Variants in MS4A13 observed in about 807,000 individuals in gnomAD.
MS4A13 encodes the protein membrane-spanning 4-domains subfamily A member 13.
MS4A13 carries 21 observed loss-of-function variants against 18.4 expected under a neutral mutation model. The observed-to-expected ratio is 1.14, with a 90% CI of 0.81 to 1.64. The LOEUF (loss-of-function observed/expected upper bound fraction) is 1.64, where lower values mean the gene tolerates loss of function less well. Among genes scored for constraint, MS4A13 ranks in the 40% most tolerant of loss-of-function variants. The probability of loss-of-function intolerance (pLI) is 0.00; values close to 1 mark genes in which losing one functional copy is unlikely to be tolerated. For synonymous variants in MS4A13, 62 were observed against 57.2 expected (o/e 1.08, Z -0.38); for missense variants, 173 against 176.8 (o/e 0.98, Z 0.12).
At chr11:60,538,066 T>C (rs1006751912) in intron 6 of MS4A13, among the ~76,000 whole-genome samples, 1 of 147,594 alleles carries the variant, frequency 6.8e-6, no homozygotes, top group African/African-American at 2.5e-5. Context: ...TTGGGAGATA[T>C]ACCTAATGCT....
At chr11:60,526,353 G>A (rs150752931) in intron 5 of MS4A13, among the ~76,000 whole-genome samples, 104 of 152,302 alleles carry the variant, frequency 6.8e-4, no homozygotes, top group African/African-American at 2.2e-3. Flanking sequence ...TAGGAAAGGA[G>A]GACTTAAGTT....
intron 6 of MS4A13, among the ~76,000 whole-genome samples, chr11:60,529,861 C>T (rs1159976884): frequency 3.3e-5 from 5 of 152,066 alleles, no homozygotes; most frequent in African/African-American, 4.8e-5. Flanking sequence ...CTAAATAATG[C>T]CTTTTATTGC....
At position 60,527,398 on chromosome 11, in the gene MS4A13, C is replaced by CTGTGTGTGTG. The variant is rs1565212696; in HGVS notation, c.307-1966_307-1965insGTGTGTGTGT. ...TCTCTCTCTCTCTCTCTCTCTCTCT[C>CTGTGTGTGTG]TCTCTCTCTCTCTGTGTGTGTGTGT... On this transcript the variant is annotated intron_variant, in intron 5 of 6. Transcript: ENST00000378186. Among the ~76,000 whole-genome samples the CTGTGTGTGTG allele has an allele frequency of 4.4e-4, 41 of 93,298 alleles. No individual in the cohort carries two copies. The East Asian group carries it at 5.5e-3, about 13-fold the overall frequency. 61.2% of individuals were successfully genotyped at this position (93,298 alleles called of 152,430 possible). A position where few individuals can be genotyped will look rare whatever the true frequency, so the allele number is the denominator to read the frequency against.
intron 5 of MS4A13, among the ~76,000 whole-genome samples, chr11:60,526,487 GTCTGTATTTATCTGA>G (rs1053194234): frequency 2.0e-5 from 3 of 152,184 alleles, no homozygotes; most frequent in Non-Finnish European, 4.4e-5. Flanking sequence ...AACTATTGTA[GTCTGTATTTATCTGA>G]TCTGAACTCA....
rs746268546 is a variant in MS4A13 at position 60,542,601 on chromosome 11, C to T, written c.*26C>T. On this transcript the variant is annotated 3_prime_UTR_variant, in exon 7 of 7. Transcript: ENST00000378186. ...AAACCCTAGAAATATGAGAATTTTG[C>T]TGTTGCTGATGCCTGGTGTGGGTCC... The T allele has an allele frequency of 5.1e-5, 78 of 1,528,966 alleles. No individual in the cohort carries two copies. In the East Asian group the frequency reaches 1.7e-3, roughly 34 times the overall value. 94.7% of individuals were successfully genotyped at this position (1,528,966 alleles called of 1,614,324 possible). A position where few individuals can be genotyped will look rare whatever the true frequency, so the allele number is the denominator to read the frequency against.
intron 3 of MS4A13, among the ~76,000 whole-genome samples, chr11:60,519,595 A>T (rs1457352906): frequency 2.0e-5 from 3 of 152,196 alleles, no homozygotes; most frequent in African/African-American, 7.2e-5. Context: ...CATTAAGGAC[A>T]TACTTGAGGT....
chr11:60,530,698 T>A (rs11230365), intron 6 of MS4A13, among the ~76,000 whole-genome samples: 15 of 152,184 alleles, frequency 9.9e-5, no homozygotes, highest in Admixed American at 9.2e-4. Context: ...CCACCTGATA[T>A]GGTTAGGCTT....
chr11:60,532,418 C>G (rs949919420), intron 6 of MS4A13, among the ~76,000 whole-genome samples: 1 of 152,192 alleles, frequency 6.6e-6, no homozygotes, highest in Admixed American at 6.5e-5. Flanking sequence ...GACGGACGCA[C>G]CTGGAAAATC....
At chr11:60,539,397 A>G (rs921871803) in intron 6 of MS4A13, among the ~76,000 whole-genome samples, 1 of 152,096 alleles carries the variant, frequency 6.6e-6, no homozygotes, top group Middle Eastern at 3.4e-3. Context: ...AACAAAATAA[A>G]CAGACATAAA....
intron 6 of MS4A13, among the ~76,000 whole-genome samples, chr11:60,540,228 T>C (rs1465081899): frequency 6.6e-6 from 1 of 152,186 alleles, no homozygotes; most frequent in East Asian, 1.9e-4. Context: ...AAAGTATTCA[T>C]AGACAATACA....
chr11:60,522,230 A>AGAT (rs1565210894), intron 3 of MS4A13, among the ~76,000 whole-genome samples: 8 of 124,842 alleles, frequency 6.4e-5, no homozygotes, highest in African/African-American at 2.2e-4. Flanking sequence ...ATAGATAGAT[A>AGAT]GATAGATAGA....
At chr11:60,529,699 A>G (rs1036065581) in intron 6 of MS4A13, among the ~76,000 whole-genome samples, 13 of 152,338 alleles carry the variant, frequency 8.5e-5, no homozygotes, top group Non-Finnish European at 1.2e-4. Context: ...TTTCTTTAAT[A>G]TAGTTCTCAT....
At chr11:60,527,410 C>CTGTGTGTGTGTGTGTGTGTGTGTGTGTG (rs1224398821) in intron 5 of MS4A13, among the ~76,000 whole-genome samples, 2 of 28,802 alleles carry the variant, frequency 6.9e-5, no homozygotes, top group African/African-American at 3.2e-4. Flanking sequence ...CTCTCTCTCT[C>CTGTGTGTGTGTGTGTGTGTGTGTGTGTG]TGTGTGTGTG....
intron 6 of MS4A13, among the ~76,000 whole-genome samples, chr11:60,532,302 C>T (rs2086775211): frequency 6.6e-6 from 1 of 152,192 alleles, no homozygotes; most frequent in South Asian, 2.1e-4. Context: ...TGGGCGCAGG[C>T]CAGTGTGTGC....
At chr11:60,531,741 T>G (rs2086768304) in intron 6 of MS4A13, among the ~76,000 whole-genome samples, 1 of 152,238 alleles carries the variant, frequency 6.6e-6, no homozygotes, top group Non-Finnish European at 1.5e-5. Flanking sequence ...GGCTGTCTTC[T>G]CCCTGTGTTT....
intron 3 of MS4A13, among the ~76,000 whole-genome samples, chr11:60,523,636 T>C (rs1303631571): frequency 3.3e-5 from 5 of 152,240 alleles, no homozygotes; most frequent in Non-Finnish European, 5.9e-5. Flanking sequence ...CGGTCAGGAC[T>C]GCTTAGGCTG....
At chr11:60,523,306 C>T (rs1215314085) in intron 3 of MS4A13, among the ~76,000 whole-genome samples, 1 of 152,124 alleles carries the variant, frequency 6.6e-6, no homozygotes, top group Non-Finnish European at 1.5e-5. Context: ...CATCTTCAAA[C>T]AATATGGCAT....
chr11:60,540,411 TG>T (rs1417053185), intron 6 of MS4A13, among the ~76,000 whole-genome samples: 1 of 152,182 alleles, frequency 6.6e-6, no homozygotes, highest in Non-Finnish European at 1.5e-5. Context: ...AACACCATAT[TG>T]GTAGTTACAT....
At chr11:60,517,115 T>A (rs1181513613) in intron 2 of MS4A13, among the ~76,000 whole-genome samples, 1 of 151,848 alleles carries the variant, frequency 6.6e-6, no homozygotes, top group Non-Finnish European at 1.5e-5. Context: ...GCAAATTTGA[T>A]GCAAGGGGAA....
Sources: gnomAD v4.1 joint callset for allele counts (sites outside exome capture counted in the v4.1 genomes callset) on GRCh38, gnomAD v4.1.1 for gene constraint, MANE v1.5 for transcripts, NCBI Gene and HGNC (gene_info 2026-07-23, HGNC 2026-07-21) for gene names.